Variants in ZNF282 observed in about 807,000 individuals in gnomAD.
ZNF282 encodes the protein HTLV-I U5 repressive element-binding protein 1.
ZNF282 carries 30 observed loss-of-function variants against 61.9 expected under a neutral mutation model. The observed-to-expected ratio is 0.48, with a 90% confidence interval of 0.36 to 0.66. The LOEUF (loss-of-function observed/expected upper bound fraction) is 0.66. Among genes scored for constraint, ZNF282 ranks in the 30% least tolerant of loss-of-function variants. ZNF282 has a pLI of 0.00. For missense variants in ZNF282, 788 were observed against 941.4 expected (o/e 0.84, Z 2.13); for synonymous variants, 396 against 405.0 (o/e 0.98, Z 0.27).
At chr7:149,197,503 T>TG (rs1795837199) in intron 1 of ZNF282, among the ~76,000 whole-genome samples, 1 of 152,180 alleles carries the variant, frequency 6.6e-6, no homozygotes, top group African/African-American at 2.4e-5. Flanking sequence ...GACGGAGTCT[T>TG]GCTCTGTTGC....
intron 6 of ZNF282, 63 bp from the exon 7 acceptor site, chr7:149,213,638 C>T: frequency 7.6e-7 from 1 of 1,320,460 alleles, no homozygotes; most frequent in South Asian, 1.2e-5. Context: ...GTTTTCAAAC[C>T]TTTGATGGGA....
At chr7:149,213,368 C>T (rs967941950) in intron 6 of ZNF282, among the ~76,000 whole-genome samples, 2 of 152,188 alleles carry the variant, frequency 1.3e-5, no homozygotes, top group African/African-American at 4.8e-5. Flanking sequence ...CCCTGAGGGC[C>T]GTTATCTGGG....
chr7:149,207,508 G>A (rs374318512), intron 4 of ZNF282, 38 bp downstream of exon 4: 5 of 1,553,080 alleles, frequency 3.2e-6, no homozygotes, highest in Non-Finnish European at 4.4e-6. Flanking sequence ...TCCAGGGAAG[G>A]GCGAGAGAGG....
intron 1 of ZNF282, 41 bp downstream of exon 1, chr7:149,195,795 G>T: frequency 7.0e-7 from 1 of 1,435,108 alleles, no homozygotes; most frequent in Non-Finnish European, 9.1e-7. Flanking sequence ...GCTGCCGTGG[G>T]GGCGGGGCGC....
At chr7:149,204,111 A>T (rs1283829131) in intron 2 of ZNF282, among the ~76,000 whole-genome samples, 1 of 152,062 alleles carries the variant, frequency 6.6e-6, no homozygotes, top group African/African-American at 2.4e-5. Context: ...GGCATGGCTC[A>T]CTCACGTACC....
At chr7:149,222,945 C>CGAAAAGATTTGTTTTTT (rs1300962621) in intron 7 of ZNF282, among the ~76,000 whole-genome samples, 1 of 151,450 alleles carries the variant, frequency 6.6e-6, no homozygotes, top group East Asian at 2.0e-4. Context: ...TGCGCCTGGC[C>CGAAAAGATTTGTTTTTT]TTTTTAAATT....
rs1381856494 is a variant in ZNF282, at chr7:149,198,514, C to A, written c.347C>A (p.Ala116Asp). 1.2e-6 allele frequency: 2 copies of A among 1,614,214 alleles called. No individual in the cohort carries two copies. The highest frequency in any genetic ancestry group is 1.7e-5 in the Admixed American group (1 of 60,016). ...QAVERKVDAQ[A>D]SQLLNLEGRT... ...GTGGAGAGGAAGGTGGATGCCCAGG[C>A]CAGCCAGCTGCTGAACCTGGAGGGG... is the stretch of plus-strand genomic sequence containing the variant. Residue 116 changes from alanine to aspartate, a missense_variant, in exon 2 of 8, where the codon GCC becomes GAC. Physicochemically the swap from Ala to Asp is moderately radical, Grantham distance 126 (BLOSUM62 -2). Around this residue, in one of 3 missense-constraint regions of ZNF282, gnomAD observed 92 missense variants for 163.9 expected, o/e 0.56. Transcript: ENST00000610704. This position sits in a 1 kb window ranked among gnomAD's most constrained non-coding sequence, Gnocchi z 4.3.
At position 149,198,832 on chromosome 7, in the gene ZNF282, C is replaced by G. The variant is rs1795863686; in HGVS notation, c.585+80C>G. On this transcript the variant is annotated intron_variant, in intron 2 of 7. Transcript: ENST00000610704. The surrounding 1 kb of genome is among the most constrained non-coding windows in gnomAD (Gnocchi z 4.3). ...AAATTCTTGATTTCATTTTGTCAGC[C>G]CTTCTCATAAACTTCTCTGGCTCCC... 6.6e-7 allele frequency: 1 copy of G among 1,505,972 alleles called. No individual in the cohort carries two copies. The highest frequency in any genetic ancestry group is 2.3e-5 in the Admixed American group (1 of 44,358). The allele number at this position is 1,505,972 out of a possible 1,614,324, so 93.3% of individuals were successfully genotyped here.
Position 149,198,485 on chromosome 7 carries a change from G to A in ZNF282, c.318G>A (p.Gln106=). ...TCTGGACTGTGGTGGCTGCCATTCA[G>A]GCTGTGGAGAGGAAGGTGGATGCCC... ...ISLWTVVAAI[Q]AVERKVDAQA... is the part of the protein sequence containing the mutation. Residue 106 remains glutamine (Q), a synonymous_variant, in exon 2 of 8, where the codon CAG becomes CAA. Coordinates refer to ENST00000610704, the MANE Select transcript of ZNF282 (RefSeq NM_003575.4). This position sits in a 1 kb window ranked among gnomAD's most constrained non-coding sequence, Gnocchi z 4.3. The A allele has an allele frequency of 8.7e-6, 14 of 1,614,204 alleles. No homozygotes were observed. Among genetic ancestry groups the A allele is most frequent in the Non-Finnish European group, 1.2e-5 (14 of 1,180,016 alleles).
chr7:149,214,493 G>T (rs961062829), intron 7 of ZNF282, among the ~76,000 whole-genome samples: 6 of 152,140 alleles, frequency 3.9e-5, no homozygotes, highest in African/African-American at 1.4e-4. Flanking sequence ...CTGAGCCAGT[G>T]TGCCCGAGGC....
chr7:149,201,124 G>A (rs958550290), intron 2 of ZNF282, among the ~76,000 whole-genome samples: 2 of 152,178 alleles, frequency 1.3e-5, no homozygotes, highest in Admixed American at 6.5e-5. Context: ...CCTCATCTCC[G>A]TTGATGACGG....
At position 149,223,880 on chromosome 7, in the gene ZNF282, C is replaced by T; in HGVS notation, c.1249C>T (p.Pro417Ser). The T allele has an allele frequency of 7.0e-7, 1 of 1,435,890 alleles. No individual in the cohort carries two copies. The highest frequency in any genetic ancestry group is 9.1e-7 in the Non-Finnish European group (1 of 1,100,352). 88.9% of individuals were successfully genotyped at this position (1,435,890 alleles called of 1,614,324 possible). The change falls in exon 8 of 8, where the codon CCG (proline) becomes TCG (serine). Residue 417 changes from proline (P) to serine (S), a missense_variant. Around this residue, in one of 3 missense-constraint regions of ZNF282, gnomAD observed 559 missense variants for 642.0 expected, o/e 0.87. Transcript: ENST00000610704. ...ACAGCCCCAGCCCCAGCCCCAGCCACCGCAGCCGCAGCTGCAGTCGCAGCC... is the reference window on the plus strand; with the variant it reads ...ACAGCCCCAGCCCCAGCCCCAGCCATCGCAGCCGCAGCTGCAGTCGCAGCC... ...PPQPQPQPQP[P>S]QPQLQSQPQP... is the part of the protein sequence containing the mutation.
chr7:149,223,832 A>G lies in ZNF282; in HGVS notation c.1201A>G (p.Lys401Glu). The change falls in exon 8 of 8, where the codon AAG (lysine) becomes GAG (glutamate). Residue 401 changes from lysine to glutamate, a missense_variant. Lys to Glu is a moderately conservative substitution (Grantham distance 56). Around this residue, in one of 3 missense-constraint regions of ZNF282, gnomAD observed 559 missense variants for 642.0 expected, o/e 0.87. Coordinates refer to ENST00000610704, the MANE Select transcript of ZNF282 (RefSeq NM_003575.4). ...CCCAGGTGACAGCCTGCTGATGGTG[A>G]AGAACCCACCCCCGGCCCCGCCACA... ...SGPSDSLLMV[K>E]NPPPAPPQPQ... 6.8e-7 allele frequency: 1 copy of G among 1,471,404 alleles called. No homozygotes were observed. The highest frequency in any genetic ancestry group is 8.9e-7 in the Non-Finnish European group (1 of 1,117,494). The allele number at this position is 1,471,404 out of a possible 1,614,324, so 91.1% of individuals were successfully genotyped here. A position where few individuals can be genotyped will look rare whatever the true frequency, so the allele number is the denominator to read the frequency against.
intron 6 of ZNF282, among the ~76,000 whole-genome samples, chr7:149,213,426 T>G (rs1035483879): frequency 6.6e-6 from 1 of 152,152 alleles, no homozygotes; most frequent in East Asian, 1.9e-4. Context: ...TGGGGCTAAG[T>G]GGCAGAGCTG....
In ZNF282 at chr7:149,210,616, G is replaced by A. The variant is rs375488368; in HGVS notation, c.864G>A (p.Ala288=). 1.1e-5 allele frequency: 17 copies of A among 1,612,268 alleles called. No individual in the cohort carries two copies. Among genetic ancestry groups the A allele is most frequent in the Non-Finnish European group, 1.4e-5 (16 of 1,179,358 alleles). Residue 288 remains alanine (A), a synonymous_variant, in exon 5 of 8, where the codon GCG becomes GCA. Transcript: ENST00000610704. ...GAEPLVPAQD[A]SSQVKREDTL... is the part of the protein sequence containing the mutation. ...AGCCCCTGGTGCCTGCGCAGGATGC[G>A]TCCTCCCAGGTGAAGCGTGAGGACA...
rs1439216852 is a variant in ZNF282, at chr7:149,224,062, C to T, written c.1431C>T (p.Gly477=). 3.5e-6 allele frequency: 4 copies of T among 1,152,386 alleles called. No individual in the cohort carries two copies. Among genetic ancestry groups the T allele is most frequent in the Non-Finnish European group, 4.3e-6 (4 of 934,634 alleles). 71.4% of individuals were successfully genotyped at this position (1,152,386 alleles called of 1,614,324 possible). A position where few individuals can be genotyped will look rare whatever the true frequency, so the allele number is the denominator to read the frequency against. Reference sequence around the variant, plus strand: ...ACCGCAGCACCGGGGGCGGCGGGGGCGATGGGGGCGGTGGGGGCGGCGGCG... The same window carrying T: ...ACCGCAGCACCGGGGGCGGCGGGGGTGATGGGGGCGGTGGGGGCGGCGGCG... The part of the protein sequence containing the change: ...GGDRSTGGGG[G]DGGGGGGGAE... The change falls in exon 8 of 8, where the codon GGC becomes GGT. Residue 477 remains glycine, a synonymous_variant. Coordinates refer to ENST00000610704, the MANE Select transcript of ZNF282 (RefSeq NM_003575.4).
intron 7 of ZNF282, among the ~76,000 whole-genome samples, chr7:149,217,531 T>C (rs1441593953): frequency 6.6e-6 from 1 of 152,008 alleles, no homozygotes; most frequent in Non-Finnish European, 1.5e-5. Flanking sequence ...GCCCCTGCAC[T>C]ACAGCCTGGG....
chr7:149,212,572 T>A, intron 6 of ZNF282, 101 bp downstream of exon 6: 1 of 975,904 alleles, frequency 1.0e-6, no homozygotes, highest in Non-Finnish European at 1.5e-6. Context: ...ATACTAAAAT[T>A]ACTTCAGCAC....
chr7:149,215,157 A>T (rs1032323776), intron 7 of ZNF282, among the ~76,000 whole-genome samples: 1 of 151,124 alleles, frequency 6.6e-6, no homozygotes, highest in African/African-American at 2.4e-5. Flanking sequence ...GGCTTAACAG[A>T]ATAGCTGCAT....
Sources: gnomAD v4.1 joint callset for allele counts (sites outside exome capture counted in the v4.1 genomes callset) on GRCh38, gnomAD v4.1.1 for gene constraint, gnomAD v4.1.1 regional missense constraint, Gnocchi (gnomAD v3.1) non-coding constraint, MANE v1.5 for transcripts, NCBI Gene and HGNC (gene_info 2026-07-23, HGNC 2026-07-21) for gene names.